Variants in TRIO observed in about 807,000 individuals in gnomAD.
TRIO encodes triple functional domain protein.
In TRIO, 58 loss-of-function variants were observed where a neutral mutation model predicts 351.9. The ratio of observed to expected loss-of-function variants is 0.16; its 90% CI spans 0.13 to 0.21. The LOEUF (loss-of-function observed/expected upper bound fraction) is 0.21, where lower values mean the gene tolerates loss of function less well. Among genes scored for constraint, TRIO ranks in the 10% least tolerant of loss-of-function variants. The pLI is 1.00. For synonymous variants in TRIO, 1,758 were observed against 1,595.7 expected (o/e 1.10, Z -2.42); for missense variants, 3,201 against 4,027.8 (o/e 0.79, Z 5.56).
chr5:14,484,140 A>C (rs1219585835), intron 46 of TRIO, among the ~76,000 whole-genome samples: 5 of 152,152 alleles, frequency 3.3e-5, no homozygotes, highest in Admixed American at 2.0e-4. Flanking sequence ...AGAACTGCCT[A>C]CCCATTCTTC....
chr5:14,463,132 G>A lies in TRIO; in HGVS notation c.5667+207G>A, dbSNP rs146197072. Among the ~76,000 whole-genome samples, 865 of 152,336 alleles carry A rather than the reference G, an allele frequency of 5.7e-3. 10 individuals carry two copies. The highest frequency in any genetic ancestry group is 0.02 in the African/African-American group (815 of 41,572). On this transcript the variant is annotated intron_variant, in intron 36 of 56. Transcript: ENST00000344204. ...CCATTTAGAATAGCAGTAGGCCAGC[G>A]GGTGCAGTTTTTCTTACACATGTGG...
chr5:14,419,939 A>G lies in TRIO; in HGVS notation c.5121A>G (p.Ala1707=). 6.2e-7 allele frequency: 1 copy of G among 1,614,226 alleles called. No homozygotes were observed. ...LVRTTDRSPA[A]EGLVPCGSLC... ...GGACAACTGACCGCTCCCCAGCGGC[A>G]GAAGGCCTGGTCCCCTGTGGTTCAC... Residue 1707 remains alanine, a synonymous_variant, in exon 34 of 57, where the codon GCA becomes GCG. Transcript: ENST00000344204.
chr5:14,444,794 T>A (rs1373221526), intron 34 of TRIO, among the ~76,000 whole-genome samples: 1 of 152,232 alleles, frequency 6.6e-6, no homozygotes, highest in African/African-American at 2.4e-5. Context: ...TTGAAGTTAT[T>A]TGGTATTATA....
chr5:14,269,457 A>G (rs1387765490), intron 1 of TRIO, among the ~76,000 whole-genome samples: 2 of 152,236 alleles, frequency 1.3e-5, no homozygotes, highest in African/African-American at 2.4e-5. Flanking sequence ...CTGTGTTTGC[A>G]GTGGGCAGCA....
intron 34 of TRIO, among the ~76,000 whole-genome samples, chr5:14,422,551 T>A (rs1750261232): frequency 6.6e-6 from 1 of 152,210 alleles, no homozygotes; most frequent in Non-Finnish European, 1.5e-5. Context: ...ATTACTCAGA[T>A]CAGCCAAGAA....
chr5:14,225,596 G>T (rs56735399), intron 1 of TRIO, among the ~76,000 whole-genome samples: 1 of 152,156 alleles, frequency 6.6e-6, no homozygotes, highest in African/African-American at 2.4e-5. Flanking sequence ...TCAGGTCCTT[G>T]CCACACGGCC....
At chr5:14,490,015 A>T (rs1756363448) in intron 48 of TRIO, among the ~76,000 whole-genome samples, 1 of 152,160 alleles carries the variant, frequency 6.6e-6, no homozygotes, top group South Asian at 2.1e-4. Context: ...ATGATGTCTC[A>T]CACCTGTAAT....
intron 9 of TRIO, among the ~76,000 whole-genome samples, chr5:14,324,107 C>T (rs1740152989): frequency 6.6e-6 from 1 of 152,074 alleles, no homozygotes; most frequent in African/African-American, 2.4e-5. Context: ...AAATAAAAGA[C>T]AGTGACTGAG....
At chr5:14,157,089 G>A (rs139970214) in intron 1 of TRIO, among the ~76,000 whole-genome samples, 17 of 150,898 alleles carry the variant, frequency 1.1e-4, no homozygotes, top group Admixed American at 3.3e-4. Context: ...AGGATGGGTC[G>A]AGCGGACCTT....
At position 14,327,533 on chromosome 5, in the gene TRIO, T is replaced by A. The variant is rs970427018; in HGVS notation, c.1732-3245T>A. On this transcript the variant is annotated intron_variant, in intron 9 of 56. Transcript: ENST00000344204. ...TCTGGCCCTTTCTACCAAATAATGT[T>A]TATCTTTTATTTTTTGAAATTGTGC... is the stretch of plus-strand genomic sequence containing the variant. 2.6e-5 allele frequency among the ~76,000 whole-genome samples: 4 copies of A among 152,176 alleles called. No homozygotes were observed. In the East Asian group the frequency reaches 7.7e-4, roughly 29 times the overall value.
intron 9 of TRIO, among the ~76,000 whole-genome samples, chr5:14,321,358 C>T (rs1373428344): frequency 1.3e-5 from 2 of 152,216 alleles, no homozygotes; most frequent in Non-Finnish European, 2.9e-5. Flanking sequence ...GAAAACGTGG[C>T]CCCCACGATG....
At chr5:14,506,046 G>A (rs111752857) in intron 55 of TRIO, among the ~76,000 whole-genome samples, 51 of 152,262 alleles carry the variant, frequency 3.3e-4, no homozygotes, top group African/African-American at 1.1e-3. Flanking sequence ...TGGAAGAGCC[G>A]AGCCGACATC....
chr5:14,309,014 C>A (rs1041899413), intron 8 of TRIO, among the ~76,000 whole-genome samples: 2 of 152,082 alleles, frequency 1.3e-5, no homozygotes, highest in African/African-American at 4.8e-5. Context: ...TCCATCCACC[C>A]ACGCAGTCAC....
intron 11 of TRIO, among the ~76,000 whole-genome samples, chr5:14,354,210 G>A (rs1055249224): frequency 7.2e-5 from 11 of 152,254 alleles, no homozygotes; most frequent in Non-Finnish European, 1.5e-5. Flanking sequence ...GCCCTGTTAC[G>A]AGGTGTGTCC....
At chr5:14,226,047 G>A (rs1170784669) in intron 1 of TRIO, among the ~76,000 whole-genome samples, 1 of 152,146 alleles carries the variant, frequency 6.6e-6, no homozygotes, top group Non-Finnish European at 1.5e-5. Context: ...CTGAGTGAGG[G>A]TGGGAGGTTG....
rs147411805 is a variant in TRIO, at chr5:14,265,239, G to A, written c.158-5586G>A. On this transcript the variant is annotated intron_variant, in intron 1 of 56. Transcript: ENST00000344204. ...GGCTGCTTTTAAAGGAGGAGACGCA[G>A]CCAGTTTAGAATCGCATCAGTTCAT... Among the ~76,000 whole-genome samples, 7 of 152,174 alleles carry A rather than the reference G, an allele frequency of 4.6e-5. No homozygotes were observed. In the East Asian group the frequency reaches 1.4e-3, roughly 29 times the overall value.
At chr5:14,282,099 C>G (rs1430732650) in intron 3 of TRIO, among the ~76,000 whole-genome samples, 1 of 152,210 alleles carries the variant, frequency 6.6e-6, no homozygotes, top group Non-Finnish European at 1.5e-5. Flanking sequence ...AAAACTATCA[C>G]TGTGTGGCAT....
Position 14,397,108 on chromosome 5 carries a change from C to T in TRIO, c.4377C>T (p.Ser1459=), listed in dbSNP as rs575213778. Residue 1459 remains serine (S), a synonymous_variant, in exon 29 of 57, where the codon AGC becomes AGT. Transcript: ENST00000344204. ...AAGATGGCCTGGAGGTGATGCTCAG[C>T]GTGCCGAAGCGAGCCAATGATGCCA... is the stretch of plus-strand genomic sequence containing the variant. The part of the protein sequence containing the change: ...EIKDGLEVML[S]VPKRANDAMH... 11 of 1,609,332 alleles carry T rather than the reference C, an allele frequency of 6.8e-6. No individual in the cohort carries two copies. The highest frequency in any genetic ancestry group is 2.7e-5 in the African/African-American group (2 of 74,988).
chr5:14,322,167 C>T (rs1739948664), intron 9 of TRIO, among the ~76,000 whole-genome samples: 1 of 151,934 alleles, frequency 6.6e-6, no homozygotes, highest in African/African-American at 2.4e-5. Context: ...GAGCAGATGT[C>T]AGTATTTGTT....
Sources: gnomAD v4.1 joint callset for allele counts (sites outside exome capture counted in the v4.1 genomes callset) on GRCh38, gnomAD v4.1.1 for gene constraint, MANE v1.5 for transcripts, NCBI Gene and HGNC (gene_info 2026-07-23, HGNC 2026-07-21) for gene names.